TRERF1: variants seen among roughly 807,000 people sequenced by gnomAD.
TRERF1 encodes the protein transcriptional-regulating factor 1.
Under a neutral mutation model 122.9 loss-of-function variants are expected in TRERF1, and 27 were observed. The ratio of observed to expected loss-of-function variants is 0.22; its 90% confidence interval spans 0.16 to 0.30. TRERF1 has a LOEUF of 0.30. TRERF1 is among the 10% of genes least tolerant of loss of function. The pLI, the probability that TRERF1 is intolerant of heterozygous loss-of-function variation, is 1.00. For synonymous variants in TRERF1, 636 were observed against 641.7 expected, an observed-to-expected ratio of 0.99 and a Z score of 0.13; for missense variants, 1,248 against 1,560.3, an observed-to-expected ratio of 0.80 and a Z score of 3.37.
At chr6:42,325,644 C>G (rs1242495132) in intron 3 of TRERF1, among the ~76,000 whole-genome samples, 1 of 152,136 alleles carries the variant, frequency 6.6e-6, no homozygotes, top group Non-Finnish European at 1.5e-5. Context: ...GAGGCTGAGG[C>G]AGGAGGATCA....
At chr6:42,258,363 G>C (rs1376769434) in intron 9 of TRERF1, among the ~76,000 whole-genome samples, 162 bp from the exon 10 acceptor site, 1 of 152,230 alleles carries the variant, frequency 6.6e-6, no homozygotes, top group Non-Finnish European at 1.5e-5. Context: ...GTGGAGTATG[G>C]TGCAAAATAA....
rs760635062 is a variant in TRERF1 at position 42,266,272 on chromosome 6, T to TCCA, written c.1438-478_1438-476dup. 2.0e-5 allele frequency among the ~76,000 whole-genome samples: 3 copies of TCCA among 146,560 alleles called. No homozygotes were observed. The Admixed American group carries it at 2.2e-4, about 11-fold the overall frequency. On this transcript the variant is annotated intron_variant, in intron 5 of 17. Coordinates refer to ENST00000372922, the Ensembl canonical transcript of TRERF1. ...AGCATGATCATGGCTCACTGCAGCCTCCACCACCTGGACTTAAGCAATCCT... is the reference window on the plus strand; with the variant it reads ...AGCATGATCATGGCTCACTGCAGCCTCCACCACCACCTGGACTTAAGCAATCCT...
chr6:42,395,911 A>C (rs1387709866), intron 2 of TRERF1, among the ~76,000 whole-genome samples: 1 of 152,118 alleles, frequency 6.6e-6, no homozygotes, highest in Non-Finnish European at 1.5e-5. Flanking sequence ...CCTCACGCTC[A>C]CTGAGACCTG....
intron 3 of TRERF1, among the ~76,000 whole-genome samples, chr6:42,346,593 G>A (rs1455125079): frequency 6.6e-6 from 1 of 151,922 alleles, no homozygotes; most frequent in Non-Finnish European, 1.5e-5. Flanking sequence ...AGAAAGAGGA[G>A]GAAAGAGGCC....
chr6:42,257,495 C>T (rs568462304), intron 10 of TRERF1, among the ~76,000 whole-genome samples: 1 of 152,250 alleles, frequency 6.6e-6, no homozygotes, highest in East Asian at 1.9e-4. Context: ...AGATATTATC[C>T]CATCCGAACC....
At chr6:42,407,959 T>C (rs2151417683) in intron 2 of TRERF1, among the ~76,000 whole-genome samples, 1 of 151,392 alleles carries the variant, frequency 6.6e-6, no homozygotes, top group Middle Eastern at 3.4e-3. Context: ...TTTCACAGCA[T>C]TTGCCTAACT....
intron 3 of TRERF1, among the ~76,000 whole-genome samples, chr6:42,338,368 C>T (rs1308055437): frequency 1.3e-5 from 2 of 152,150 alleles, no homozygotes; most frequent in Non-Finnish European, 2.9e-5. Flanking sequence ...AGACCTGGGT[C>T]ACGGGACGTG....
intron 2 of TRERF1, among the ~76,000 whole-genome samples, chr6:42,384,091 G>C (rs1490024575): frequency 2.0e-5 from 3 of 151,908 alleles, no homozygotes. Context: ...CACAAATGTA[G>C]AGATGCTTTT....
intron 2 of TRERF1, among the ~76,000 whole-genome samples, chr6:42,425,794 C>T (rs1182142333): frequency 1.3e-5 from 2 of 150,054 alleles, no homozygotes; most frequent in Non-Finnish European, 3.0e-5. Context: ...CCGCCCACCT[C>T]GGCCTCCCAA....
At position 42,248,883 on chromosome 6, in the gene TRERF1, A is replaced by G. The variant is rs531048958; in HGVS notation, c.2657-2339T>C. 1.1e-3 allele frequency among the ~76,000 whole-genome samples: 169 copies of G among 152,284 alleles called. 1 individual carries two copies. Among genetic ancestry groups the G allele is most frequent in the Non-Finnish European group, 2.0e-3 (139 of 68,022 alleles). On this transcript the variant is annotated intron_variant, in intron 13 of 17. Coordinates refer to ENST00000372922, the Ensembl canonical transcript of TRERF1. ...TATCACTTCCATCACCATTCTTCAA[A>G]TTCTGTCCAACATTCAAAGCCTTGG...
chr6:42,259,516 G>A lies in TRERF1; in HGVS notation c.2092C>T (p.Leu698Phe), dbSNP rs1307912753. Residue 698 changes from leucine to phenylalanine, a missense_variant, in exon 9 of 18, where the codon CTC becomes TTC. Leu to Phe is a conservative substitution (Grantham distance 22). Transcript: ENST00000372922. The surrounding 1 kb of genome is among the most constrained non-coding windows in gnomAD (Gnocchi z 4.9). ...GGCAGCTCGTGGGTGGGGTCCAGGA[G>A]CAGGTGGTCCCCGAGGACGCGCGGG... The A allele has an allele frequency of 9.3e-6, 15 of 1,612,846 alleles. No individual in the cohort carries two copies. Among genetic ancestry groups the A allele is most frequent in the Non-Finnish European group, 1.3e-5 (15 of 1,179,768 alleles).
Position 42,259,821 on chromosome 6 carries a change from G to C in TRERF1, c.1885-98C>G. ...GGGGGCCTTCTACTGTCTAAGCAGA[G>C]AGCCCTTCTGCTTGACCCCCCCACC... is the stretch of plus-strand genomic sequence containing the variant. On this transcript the variant is annotated intron_variant, in intron 8 of 17. Coordinates refer to ENST00000372922, the Ensembl canonical transcript of TRERF1. This position sits in a 1 kb window ranked among gnomAD's most constrained non-coding sequence, Gnocchi z 4.9. 1 of 1,512,892 alleles carries C rather than the reference G, an allele frequency of 6.6e-7. No homozygotes were observed. The highest frequency in any genetic ancestry group is 8.9e-7 in the Non-Finnish European group (1 of 1,127,966). 93.7% of individuals were successfully genotyped at this position (1,512,892 alleles called of 1,614,324 possible).
exon 7 of TRERF1, chr6:42,264,732 C>T: frequency 6.2e-7 from 1 of 1,614,100 alleles, no homozygotes; most frequent in South Asian, 1.1e-5. Context: ...GGCCCTCATT[C>T]CCCCGTGGGA....
At position 42,398,096 on chromosome 6, in the gene TRERF1, G is replaced by A. The variant is rs75190168; in HGVS notation, c.-453-35017C>T. Among the ~76,000 whole-genome samples the A allele has an allele frequency of 9.4e-4, 143 of 152,336 alleles. 1 individual carries two copies. The East Asian group carries it at 0.027, about 28-fold the overall frequency. ...GGTGATAAGTCAGTAGGATGGGAAG[G>A]GCAGGGGCCCTGAAGTCAGAGTCCT... On this transcript the variant is annotated intron_variant, in intron 2 of 17. Coordinates refer to ENST00000372922, the Ensembl canonical transcript of TRERF1.
At chr6:42,258,249 GA>G (rs912250690) in intron 9 of TRERF1, 48 bp from the exon 10 acceptor site, 1 of 1,566,972 alleles carries the variant, frequency 6.4e-7, no homozygotes, top group Non-Finnish European at 8.8e-7. Flanking sequence ...AAGGAATGTT[GA>G]AAAAGACTAA....
chr6:42,429,519 A>T (rs1358311449), intron 2 of TRERF1, among the ~76,000 whole-genome samples: 1 of 152,218 alleles, frequency 6.6e-6, no homozygotes, highest in Non-Finnish European at 1.5e-5. Context: ...GTTTTGTTTC[A>T]TAACAGTCTT....
At chr6:42,233,396 C>T (rs1290742933) in intron 16 of TRERF1, among the ~76,000 whole-genome samples, 2 of 151,774 alleles carry the variant, frequency 1.3e-5, no homozygotes, top group Non-Finnish European at 2.9e-5. Flanking sequence ...CACCATTCTC[C>T]TGCCTCAGCC....
intron 5 of TRERF1, among the ~76,000 whole-genome samples, chr6:42,267,133 T>C (rs1386785852): frequency 6.6e-6 from 1 of 152,178 alleles, no homozygotes; most frequent in African/African-American, 2.4e-5. Context: ...AAGAGCAGCC[T>C]GGGCAACATA....
At position 42,251,526 on chromosome 6, in the gene TRERF1, A is replaced by AT. The variant is rs548147728; in HGVS notation, c.2656+3324dup. ...AGAATTTGAGCTTGTCCACTAGGCA[A>AT]TTTTTTTTTTTTTAATTTAAACCAG... is the stretch of plus-strand genomic sequence containing the variant. On this transcript the variant is annotated intron_variant, in intron 13 of 17. Coordinates refer to ENST00000372922, the Ensembl canonical transcript of TRERF1. Among the ~76,000 whole-genome samples, 1,245 of 147,534 alleles carry AT rather than the reference A, an allele frequency of 8.4e-3. 15 individuals are homozygous for AT. Among genetic ancestry groups the AT allele is most frequent in the African/African-American group, 0.026 (1,061 of 40,404 alleles).
Sources: gnomAD v4.1 joint callset for allele counts (sites outside exome capture counted in the v4.1 genomes callset) on GRCh38, gnomAD v4.1.1 for gene constraint, Gnocchi (gnomAD v3.1) non-coding constraint, MANE v1.5 for transcripts, NCBI Gene and HGNC (gene_info 2026-07-23, HGNC 2026-07-21) for gene names.